Variants in DOCK3 observed in about 807,000 individuals in gnomAD.
DOCK3 encodes the protein dedicator of cytokinesis protein 3.
A neutral mutation model predicts 265.6 loss-of-function variants in DOCK3; 60 were observed. The observed-to-expected ratio is 0.23, with a 90% CI of 0.18 to 0.28. The LOEUF (loss-of-function observed/expected upper bound fraction) is 0.28, where lower values mean the gene tolerates loss of function less well. DOCK3 is among the 10% of genes least tolerant of loss of function. The pLI, the probability that DOCK3 is intolerant of heterozygous loss-of-function variation, is 1.00. For missense variants in DOCK3, 1,981 were observed against 2,594.3 expected (o/e 0.76, Z 5.14); for synonymous variants, 881 against 938.0 (o/e 0.94, Z 1.11).
At chr3:50,687,813 G>GTT (rs1470642828) in intron 1 of DOCK3, among the ~76,000 whole-genome samples, 2 of 152,196 alleles carry the variant, frequency 1.3e-5, no homozygotes, top group Non-Finnish European at 2.9e-5. Context: ...TTCCTGATAT[G>GTT]TAATCATTCA....
intron 1 of DOCK3, among the ~76,000 whole-genome samples, chr3:50,710,198 G>T (rs991864066): frequency 6.6e-6 from 1 of 152,090 alleles, no homozygotes; most frequent in Non-Finnish European, 1.5e-5. Flanking sequence ...CTTTTGTACA[G>T]CAAAAGAAAT....
At chr3:50,740,160 A>C (rs116467316) in intron 1 of DOCK3, among the ~76,000 whole-genome samples, 1 of 152,160 alleles carries the variant, frequency 6.6e-6, no homozygotes, top group African/African-American at 2.4e-5. Context: ...ATTTAGTCTC[A>C]TTATTTTGTG....
intron 3 of DOCK3, among the ~76,000 whole-genome samples, chr3:50,888,717 A>C (rs1025394393): frequency 3.3e-5 from 5 of 152,126 alleles, no homozygotes; most frequent in African/African-American, 1.2e-4. Flanking sequence ...CATATCTACA[A>C]CTATCTGATC....
intron 12 of DOCK3, among the ~76,000 whole-genome samples, chr3:51,188,793 A>T (rs916316704): frequency 7.0e-6 from 1 of 143,002 alleles, no homozygotes; most frequent in Non-Finnish European, 1.5e-5. Flanking sequence ...GTGTCGGGGG[A>T]TGTGGGGGTG....
At chr3:51,239,539 A>T (rs2078504036) in intron 21 of DOCK3, among the ~76,000 whole-genome samples, 1 of 147,590 alleles carries the variant, frequency 6.8e-6, no homozygotes, top group South Asian at 2.2e-4. Flanking sequence ...TTGGCTGTGA[A>T]TCTGTCTGGT....
intron 2 of DOCK3, among the ~76,000 whole-genome samples, chr3:50,832,454 A>G (rs573250406): frequency 6.6e-6 from 1 of 152,292 alleles, no homozygotes; most frequent in South Asian, 2.1e-4. Context: ...AATTTTTGCA[A>G]TCTATTCATC....
intron 1 of DOCK3, among the ~76,000 whole-genome samples, chr3:50,732,081 G>T (rs1008613042): frequency 1.3e-5 from 2 of 151,690 alleles, no homozygotes; most frequent in Admixed American, 6.6e-5. Flanking sequence ...CCCTGCTTGG[G>T]TGCTGCATTT....
intron 4 of DOCK3, among the ~76,000 whole-genome samples, chr3:50,909,641 GTTTTTTTTTTT>G (rs71633043): frequency 4.1e-5 from 4 of 98,722 alleles, no homozygotes; most frequent in Non-Finnish European, 7.9e-5. Context: ...TACCCTTAAC[GTTTTTTTTTTT>G]TTTTTTTTCA....
At chr3:50,744,515 G>T (rs931432793) in intron 1 of DOCK3, among the ~76,000 whole-genome samples, 1 of 151,290 alleles carries the variant, frequency 6.6e-6, no homozygotes, top group African/African-American at 2.4e-5. Flanking sequence ...GCTCACTGCA[G>T]CCTCAACATC....
chr3:51,236,312 G>T, intron 19 of DOCK3, 33 bp from the exon 20 acceptor site: 1 of 1,549,656 alleles, frequency 6.5e-7, no homozygotes, highest in South Asian at 1.1e-5. Flanking sequence ...AAGGTCCTGA[G>T]ACCTGAGCCC....
At chr3:51,278,446 T>C (rs989149233) in intron 26 of DOCK3, 1 of 985,210 alleles carries the variant, frequency 1.0e-6, no homozygotes, top group Non-Finnish European at 1.2e-6. Context: ...GATGGGAGAT[T>C]ACAGTGATCT....
At position 50,933,973 on chromosome 3, in the gene DOCK3, G is replaced by A; in HGVS notation, c.219-8G>A. 1.3e-6 allele frequency: 2 copies of A among 1,563,668 alleles called. No homozygotes were observed. Among genetic ancestry groups the A allele is most frequent in the Non-Finnish European group, 1.7e-6 (2 of 1,148,866 alleles). On this transcript the variant is annotated splice_polypyrimidine_tract_variant and splice_region_variant and intron_variant, in intron 4 of 52. Coordinates refer to ENST00000266037, the MANE Select transcript of DOCK3 (RefSeq NM_004947.5). ...TAATGTGGCTGTCTTTTGTGGCTCTGGTTCTAGGCAGTATGAAACTGTGGT... is the reference window on the plus strand; with the variant it reads ...TAATGTGGCTGTCTTTTGTGGCTCTAGTTCTAGGCAGTATGAAACTGTGGT...
At chr3:51,230,737 G>C (rs973992955) in intron 19 of DOCK3, among the ~76,000 whole-genome samples, 2 of 152,168 alleles carry the variant, frequency 1.3e-5, no homozygotes, top group Non-Finnish European at 2.9e-5. Context: ...GGATGGTCTC[G>C]ATCCCTTGAC....
intron 9 of DOCK3, among the ~76,000 whole-genome samples, chr3:51,127,722 T>C (rs935570503): frequency 6.6e-6 from 1 of 152,232 alleles, no homozygotes; most frequent in African/African-American, 2.4e-5. Flanking sequence ...GACTACCTTC[T>C]TCTACTACCC....
chr3:51,095,661 A>G (rs928157786), intron 9 of DOCK3, among the ~76,000 whole-genome samples: 1 of 151,820 alleles, frequency 6.6e-6, no homozygotes, highest in East Asian at 1.9e-4. Context: ...TACTTTATCT[A>G]ATTTTACCTG....
intron 14 of DOCK3, among the ~76,000 whole-genome samples, chr3:51,220,372 T>C (rs6784909): frequency 3.3e-5 from 5 of 151,964 alleles, no homozygotes; most frequent in African/African-American, 9.7e-5. Flanking sequence ...TTAAATATTA[T>C]TGGGCAGGGT....
intron 5 of DOCK3, among the ~76,000 whole-genome samples, chr3:50,946,385 A>C (rs2076428438): frequency 6.6e-6 from 1 of 152,184 alleles, no homozygotes; most frequent in African/African-American, 2.4e-5. Context: ...ATAGTTTCAA[A>C]GATTTTTCTC....
intron 3 of DOCK3, among the ~76,000 whole-genome samples, chr3:50,859,630 G>T (rs1391666485): frequency 1.3e-5 from 2 of 152,148 alleles, no homozygotes; most frequent in Admixed American, 1.3e-4. Flanking sequence ...AGTACAGTCA[G>T]TTGACTTTTC....
chr3:51,116,466 A>AAT (rs2109898438), intron 9 of DOCK3, among the ~76,000 whole-genome samples: 1 of 151,600 alleles, frequency 6.6e-6, no homozygotes, highest in Non-Finnish European at 1.5e-5. Flanking sequence ...AAAAAAAAAA[A>AAT]AAAAAAGGGT....
Sources: gnomAD v4.1 joint callset for allele counts (sites outside exome capture counted in the v4.1 genomes callset) on GRCh38, gnomAD v4.1.1 for gene constraint, MANE v1.5 for transcripts, NCBI Gene and HGNC (gene_info 2026-07-23, HGNC 2026-07-21) for gene names.